C8orf34: variants seen among roughly 807,000 people sequenced by gnomAD.
The protein encoded by C8orf34 is chromosome 8 open reading frame 34.
Under a neutral mutation model 68.3 loss-of-function variants are expected in C8orf34, and 65 were observed. The ratio of observed to expected loss-of-function variants is 0.95; its 90% CI spans 0.78 to 1.17. The LOEUF is 1.17. C8orf34 is among the 50% of genes most tolerant of loss of function. C8orf34 has a pLI of 0.00. For synonymous variants in C8orf34, 244 were observed against 241.2 expected, an observed-to-expected ratio of 1.01 and a Z score of -0.11; for missense variants, 664 against 655.4, an observed-to-expected ratio of 1.01 and a Z score of -0.14.
chr8:68,623,468 G>A (rs1818446505), intron 7 of C8orf34, among the ~76,000 whole-genome samples: 1 of 152,102 alleles, frequency 6.6e-6, no homozygotes, highest in Admixed American at 6.5e-5. Context: ...ATGTTCCCTT[G>A]TTTTAAGGGG....
chr8:68,402,281 T>A (rs1462421859), intron 1 of C8orf34, among the ~76,000 whole-genome samples: 1 of 152,144 alleles, frequency 6.6e-6, no homozygotes, highest in Non-Finnish European at 1.5e-5. Flanking sequence ...ATTTTGTATA[T>A]TTGAATCATC....
At chr8:68,465,717 C>T (rs1423616237) in intron 3 of C8orf34, among the ~76,000 whole-genome samples, 95 of 151,138 alleles carry the variant, frequency 6.3e-4, no homozygotes, top group Admixed American at 1.6e-3. Flanking sequence ...AACCAAACAC[C>T]GCATGTTCTC....
intron 8 of C8orf34, among the ~76,000 whole-genome samples, chr8:68,660,032 T>C (rs1819624621): frequency 6.6e-6 from 1 of 152,186 alleles, no homozygotes; most frequent in Admixed American, 6.5e-5. Context: ...CCAAGCTCAA[T>C]TTTAAGCCAT....
chr8:68,744,664 T>C (rs373048495), intron 10 of C8orf34, among the ~76,000 whole-genome samples: 1 of 151,540 alleles, frequency 6.6e-6, no homozygotes, highest in African/African-American at 2.4e-5. Context: ...TGAAATGAAG[T>C]GAGAAGGGAA....
intron 6 of C8orf34, among the ~76,000 whole-genome samples, chr8:68,531,491 G>T (rs1051131958): frequency 9.9e-5 from 15 of 152,026 alleles, no homozygotes; most frequent in African/African-American, 3.6e-4. Context: ...ATTAAATTCA[G>T]ATTAGATATT....
intron 9 of C8orf34, among the ~76,000 whole-genome samples, chr8:68,712,683 A>G (rs1821359122): frequency 6.6e-6 from 1 of 152,166 alleles, no homozygotes; most frequent in Admixed American, 6.5e-5. Flanking sequence ...GGAGCTCCCA[A>G]ATTTATAAAA....
intron 7 of C8orf34, among the ~76,000 whole-genome samples, chr8:68,561,472 C>T (rs1816424294): frequency 1.3e-5 from 2 of 152,062 alleles, no homozygotes; most frequent in African/African-American, 4.8e-5. Flanking sequence ...AACTAAGGCA[C>T]AAGTCCGGGC....
intron 11 of C8orf34, among the ~76,000 whole-genome samples, chr8:68,776,664 G>A (rs1823528828): frequency 6.6e-6 from 1 of 152,118 alleles, no homozygotes; most frequent in Non-Finnish European, 1.5e-5. Flanking sequence ...CAGTGATCCT[G>A]AACATGAAAG....
At chr8:68,515,706 C>T (rs891793019) in intron 5 of C8orf34, among the ~76,000 whole-genome samples, 1 of 152,052 alleles carries the variant, frequency 6.6e-6, no homozygotes, top group Admixed American at 6.5e-5. Context: ...GCAGATGGTT[C>T]CAGGTTTTTC....
At chr8:68,352,643 A>C (rs563180687) in intron 1 of C8orf34, among the ~76,000 whole-genome samples, 3 of 152,150 alleles carry the variant, frequency 2.0e-5, no homozygotes, top group African/African-American at 7.2e-5. Flanking sequence ...TTTATTCTGG[A>C]CTTTCATTCA....
intron 1 of C8orf34, among the ~76,000 whole-genome samples, chr8:68,347,402 A>G (rs1390961070): frequency 2.6e-5 from 4 of 151,956 alleles, no homozygotes; most frequent in African/African-American, 9.7e-5. Context: ...CTTTGCTATT[A>G]TGAATAGTGC....
At chr8:68,362,386 TA>T (rs1370457329) in intron 1 of C8orf34, among the ~76,000 whole-genome samples, 1 of 152,150 alleles carries the variant, frequency 6.6e-6, no homozygotes, top group Non-Finnish European at 1.5e-5. Flanking sequence ...ATGAAAAAAG[TA>T]CATCGATTAA....
intron 7 of C8orf34, among the ~76,000 whole-genome samples, chr8:68,538,305 T>G (rs1273869516): frequency 6.6e-6 from 1 of 152,172 alleles, no homozygotes; most frequent in Non-Finnish European, 1.5e-5. Context: ...AAGCACCAGC[T>G]TATACTCTAA....
intron 10 of C8orf34, 36 bp downstream of exon 10, chr8:68,721,473 T>A: frequency 7.4e-7 from 1 of 1,346,732 alleles, no homozygotes; most frequent in Non-Finnish European, 1.1e-6. Flanking sequence ...TTTTAATTGC[T>A]AAAACTAATT....
chr8:68,715,093 ATCC>A (rs2130981258), intron 9 of C8orf34, among the ~76,000 whole-genome samples: 1 of 152,304 alleles, frequency 6.6e-6, no homozygotes, highest in African/African-American at 2.4e-5. Context: ...ATGAAACTGG[ATCC>A]TCATCTCTCA....
Position 68,577,431 on chromosome 8 carries a change from C to G in C8orf34, c.1105+44282C>G, listed in dbSNP as rs148980390. On this transcript the variant is annotated intron_variant, in intron 7 of 13. Transcript: ENST00000518698. ...AAGTTCTCTTTAAATCTGCATATTA[C>G]TTTTACCATTTTTTAATTGCCTTAC... Among the ~76,000 whole-genome samples, 853 of 151,970 alleles carry G rather than the reference C, an allele frequency of 5.6e-3. 12 individuals are homozygous for G. The highest frequency in any genetic ancestry group is 0.02 in the African/African-American group (818 of 41,498).
intron 1 of C8orf34, among the ~76,000 whole-genome samples, chr8:68,425,556 A>C (rs568689847): frequency 2.6e-5 from 4 of 152,298 alleles, no homozygotes; most frequent in South Asian, 2.1e-4. Flanking sequence ...ATCATGTACC[A>C]GATCTTTACG....
chr8:68,799,416 A>C (rs925143416), intron 12 of C8orf34, among the ~76,000 whole-genome samples: 1 of 152,034 alleles, frequency 6.6e-6, no homozygotes, highest in African/African-American at 2.4e-5. Context: ...TTCTCTATGG[A>C]TTGTTTTGTA....
chr8:68,789,839 A>T (rs1414320086), intron 12 of C8orf34, among the ~76,000 whole-genome samples: 2 of 152,234 alleles, frequency 1.3e-5, no homozygotes, highest in African/African-American at 4.8e-5. Flanking sequence ...TTAAAATTTT[A>T]ATATTGGATT....
Sources: gnomAD v4.1 joint callset for allele counts (sites outside exome capture counted in the v4.1 genomes callset) on GRCh38, gnomAD v4.1.1 for gene constraint, MANE v1.5 for transcripts, NCBI Gene and HGNC (gene_info 2026-07-23, HGNC 2026-07-21) for gene names.